Variants in PCSK5 observed in about 807,000 individuals in gnomAD.
PCSK5 encodes the protein proprotein convertase subtilisin/kexin type 5.
Under a neutral mutation model 233.2 loss-of-function variants are expected in PCSK5, and 129 were observed. That is an observed-to-expected ratio of 0.55 (90% CI 0.48 to 0.64). The LOEUF is 0.64. Among genes scored for constraint, PCSK5 ranks in the 30% least tolerant of loss-of-function variants. The pLI is 0.00. For missense variants in PCSK5, 2,076 were observed against 2,430.1 expected (o/e 0.85, Z 3.06); for synonymous variants, 825 against 879.2 (o/e 0.94, Z 1.09).
intron 9 of PCSK5, among the ~76,000 whole-genome samples, chr9:76,110,206 C>A (rs1832154283): frequency 6.6e-6 from 1 of 151,678 alleles, no homozygotes; most frequent in African/African-American, 2.4e-5. Flanking sequence ...CAGGACACTG[C>A]CCTACTCGCT....
chr9:75,906,800 C>T (rs1826283197), intron 1 of PCSK5, among the ~76,000 whole-genome samples: 1 of 152,214 alleles, frequency 6.6e-6, no homozygotes, highest in Admixed American at 6.5e-5. Context: ...TTTTAAAGGC[C>T]TGTACCTACT....
intron 24 of PCSK5, among the ~76,000 whole-genome samples, chr9:76,253,554 C>T (rs910775845): frequency 3.9e-5 from 6 of 152,166 alleles, no homozygotes; most frequent in Admixed American, 3.9e-4. Context: ...CTCATCCTGG[C>T]TTTCTTCATT....
intron 8 of PCSK5, among the ~76,000 whole-genome samples, chr9:76,106,692 A>G (rs78156994): frequency 1.8e-3 from 271 of 152,316 alleles, no homozygotes; most frequent in African/African-American, 6.3e-3. Context: ...CATCCGTGCA[A>G]CATTTCTATT....
rs567259906 is a variant in PCSK5 at position 76,021,982 on chromosome 9, C to G, written c.412-1756C>G. Among the ~76,000 whole-genome samples, 4 of 152,300 alleles carry G rather than the reference C, an allele frequency of 2.6e-5. No homozygotes were observed. The South Asian group carries it at 8.3e-4, about 32-fold the overall frequency. On this transcript the variant is annotated intron_variant, in intron 3 of 37. Coordinates refer to ENST00000674117, the MANE Select transcript of PCSK5 (RefSeq NM_001372043.1). ...ATACGCTGAACTCTTTCCTGCCTTA[C>G]CATCTTTGCATTTGCTGTGTCCTCT...
intron 10 of PCSK5, among the ~76,000 whole-genome samples, chr9:76,150,549 C>G (rs1255471014): frequency 6.6e-6 from 1 of 152,108 alleles, no homozygotes; most frequent in African/African-American, 2.4e-5. Context: ...AAGAGAATTG[C>G]TTGAACCTGG....
intron 2 of PCSK5, among the ~76,000 whole-genome samples, chr9:75,937,375 C>T (rs1824103791): frequency 6.6e-6 from 1 of 152,014 alleles, no homozygotes; most frequent in Non-Finnish European, 1.5e-5. Context: ...GACAGGGTTT[C>T]ACCATGTTAG....
intron 3 of PCSK5, among the ~76,000 whole-genome samples, chr9:75,992,586 CACAT>C (rs1177619637): frequency 2.1e-5 from 3 of 146,270 alleles, no homozygotes; most frequent in Non-Finnish European, 4.6e-5. Context: ...CACACACACA[CACAT>C]ACACACACAT....
At chr9:76,189,283 T>A in intron 19 of PCSK5, 60 bp downstream of exon 19, 1 of 1,385,148 alleles carries the variant, frequency 7.2e-7, no homozygotes, top group Non-Finnish European at 1.0e-6. Flanking sequence ...GATGACTATC[T>A]TCATAAGAAA....
chr9:75,962,581 C>T lies in PCSK5; in HGVS notation c.298-23551C>T, dbSNP rs79881513. On this transcript the variant is annotated intron_variant, in intron 2 of 37. Coordinates refer to ENST00000674117, the MANE Select transcript of PCSK5 (RefSeq NM_001372043.1). ...TAAATTGTGGTGCTGGAGTGTGTGC[C>T]TGGCTCCACTGTGCAGCCTAACCTT... Among the ~76,000 whole-genome samples, 112 of 152,302 alleles carry T rather than the reference C, an allele frequency of 7.4e-4. 2 individuals carry two copies. The East Asian group carries it at 0.019, about 26-fold the overall frequency.
chr9:76,202,190 A>AT (rs1238667773), intron 20 of PCSK5, among the ~76,000 whole-genome samples: 27 of 152,294 alleles, frequency 1.8e-4, no homozygotes, highest in African/African-American at 6.3e-4. Context: ...ATCCAACACC[A>AT]AGTCAAGACA....
intron 20 of PCSK5, among the ~76,000 whole-genome samples, chr9:76,191,127 A>G (rs965363566): frequency 3.9e-5 from 6 of 152,218 alleles, no homozygotes; most frequent in Non-Finnish European, 7.3e-5. Flanking sequence ...CAGATATTAC[A>G]TGCCAATGAT....
chr9:76,228,898 C>T (rs1188979303), intron 21 of PCSK5, among the ~76,000 whole-genome samples: 4 of 152,130 alleles, frequency 2.6e-5, no homozygotes, highest in Non-Finnish European at 5.9e-5. Context: ...TTATTCCCCA[C>T]AGTGATCAAC....
intron 17 of PCSK5, among the ~76,000 whole-genome samples, chr9:76,185,180 A>C (rs72738796): frequency 0.013 from 2,032 of 152,232 alleles, 23 homozygotes; most frequent in Non-Finnish European, 0.021. Flanking sequence ...ATAGCCAATC[A>C]TTCTCTTATC....
intron 24 of PCSK5, among the ~76,000 whole-genome samples, chr9:76,243,114 C>T (rs1006926464): frequency 2.6e-5 from 4 of 152,218 alleles, no homozygotes; most frequent in African/African-American, 9.6e-5. Flanking sequence ...GACTCCACAG[C>T]AGACACTGAC....
rs967019096 is a variant in PCSK5 at position 76,358,952 on chromosome 9, C to A, written c.*30C>A. 38 of 1,593,030 alleles carry A rather than the reference C, an allele frequency of 2.4e-5. No homozygotes were observed. The East Asian group carries it at 8.3e-4, about 35-fold the overall frequency. On this transcript the variant is annotated 3_prime_UTR_variant, in exon 38 of 38. Coordinates refer to ENST00000674117, the MANE Select transcript of PCSK5 (RefSeq NM_001372043.1). ...GCACTCCCCCACCAACACCACCATTCCACTCTCAGGCATGCCTGTGAGCAT... is the reference window on the plus strand; with the variant it reads ...GCACTCCCCCACCAACACCACCATTACACTCTCAGGCATGCCTGTGAGCAT...
At chr9:76,132,438 A>G (rs1300227413) in intron 9 of PCSK5, among the ~76,000 whole-genome samples, 1 of 152,076 alleles carries the variant, frequency 6.6e-6, no homozygotes, top group Non-Finnish European at 1.5e-5. Context: ...AATTTCCACA[A>G]TTCAAGTTCT....
At chr9:76,072,832 A>T (rs1830525104) in intron 7 of PCSK5, among the ~76,000 whole-genome samples, 1 of 152,146 alleles carries the variant, frequency 6.6e-6, no homozygotes, top group African/African-American at 2.4e-5. Context: ...CCAGCTAAAA[A>T]AGGTTCACGT....
intron 14 of PCSK5, among the ~76,000 whole-genome samples, chr9:76,178,403 C>T (rs1490370904): frequency 1.3e-5 from 2 of 152,142 alleles, no homozygotes; most frequent in Admixed American, 1.3e-4. Flanking sequence ...GGAATTTTTA[C>T]CTAAGTATCA....
intron 24 of PCSK5, among the ~76,000 whole-genome samples, chr9:76,286,224 G>A (rs1284555306): frequency 6.6e-6 from 1 of 152,150 alleles, no homozygotes; most frequent in Admixed American, 6.6e-5. Flanking sequence ...CCAGCTTCTT[G>A]TCATTCACAG....
Sources: allele counts gnomAD v4.1 joint callset (sites outside exome capture counted in the v4.1 genomes callset), GRCh38; gene constraint gnomAD v4.1.1; transcripts MANE v1.5; gene names NCBI Gene and HGNC (gene_info 2026-07-23, HGNC 2026-07-21).